The following ROBO2 variants were observed in gnomAD, a reference collection of about 807,000 sequenced individuals.
ROBO2 encodes the protein roundabout homolog 2.
ROBO2 carries 53 observed loss-of-function variants against 160.8 expected under a neutral mutation model. The ratio of observed to expected loss-of-function variants is 0.33; its 90% confidence interval spans 0.26 to 0.41. The LOEUF is 0.41. ROBO2 is among the 10% of genes least tolerant of loss of function. ROBO2 has a pLI of 1.00. For synonymous variants in ROBO2, 664 were observed against 611.7 expected, an observed-to-expected ratio of 1.09 and a Z score of -1.26; for missense variants, 1,577 against 1,722.4, an observed-to-expected ratio of 0.92 and a Z score of 1.49.
chr3:76,237,532 T>C (rs180677899), intron 2 of ROBO2, among the ~76,000 whole-genome samples: 2 of 152,276 alleles, frequency 1.3e-5, no homozygotes, highest in East Asian at 1.9e-4. Context: ...CTTTGTATCA[T>C]TGAGACTTCC....
intron 2 of ROBO2, among the ~76,000 whole-genome samples, chr3:77,311,629 G>T (rs1433701597): frequency 6.6e-6 from 1 of 152,218 alleles, no homozygotes; most frequent in East Asian, 1.9e-4. Context: ...AATGGGGATT[G>T]AACTGGGTTC....
At chr3:76,402,887 G>T (rs1412459471) in intron 2 of ROBO2, among the ~76,000 whole-genome samples, 1 of 151,622 alleles carries the variant, frequency 6.6e-6, no homozygotes, top group East Asian at 1.9e-4. Context: ...TTCATCTCAA[G>T]GTCCTCAAAT....
chr3:77,426,539 AG>A (rs1263001959), intron 2 of ROBO2, among the ~76,000 whole-genome samples: 2 of 151,970 alleles, frequency 1.3e-5, no homozygotes, highest in African/African-American at 4.8e-5. Context: ...TTGATCATAA[AG>A]GGGGAAACCC....
chr3:77,488,801 A>T (rs1012820807), intron 4 of ROBO2, among the ~76,000 whole-genome samples: 1 of 152,198 alleles, frequency 6.6e-6, no homozygotes, highest in South Asian at 2.1e-4. Flanking sequence ...CGCATTTGAA[A>T]TACATTTTTG....
chr3:76,959,816 G>A (rs2079523917), intron 2 of ROBO2, among the ~76,000 whole-genome samples: 2 of 152,012 alleles, frequency 1.3e-5, no homozygotes. Flanking sequence ...AAAGGGAGTT[G>A]TTAGCTTGTA....
chr3:77,101,812 G>A (rs776506669), intron 2 of ROBO2, among the ~76,000 whole-genome samples: 1 of 152,172 alleles, frequency 6.6e-6, no homozygotes, highest in Non-Finnish European at 1.5e-5. Context: ...GGCCCAGGTG[G>A]GTGGATCACT....
At chr3:76,105,968 ATTAAAT>A (rs1222912695) in intron 2 of ROBO2, among the ~76,000 whole-genome samples, 1 of 152,174 alleles carries the variant, frequency 6.6e-6, no homozygotes, top group Non-Finnish European at 1.5e-5. Flanking sequence ...CAGTTATTAC[ATTAAAT>A]TTATGTCTTT....
intron 2 of ROBO2, among the ~76,000 whole-genome samples, chr3:76,003,768 C>T (rs1326383049): frequency 6.6e-6 from 1 of 152,184 alleles, no homozygotes; most frequent in Admixed American, 6.5e-5. Flanking sequence ...CATCAGGGTG[C>T]TAGAACTAAT....
At chr3:77,157,936 T>G (rs7432300) in intron 2 of ROBO2, among the ~76,000 whole-genome samples, 62,986 of 151,870 alleles carry the variant, frequency 0.41, 13,613 homozygotes, top group Middle Eastern at 0.54. Context: ...GATTGTCCCT[T>G]CTTTTAGCCT....
chr3:76,927,103 T>C (rs989413698), intron 2 of ROBO2, among the ~76,000 whole-genome samples: 17 of 152,306 alleles, frequency 1.1e-4, no homozygotes, highest in African/African-American at 3.8e-4. Context: ...TCTGGGCTGT[T>C]ATTTATAATC....
At chr3:76,050,345 A>C (rs2067612671) in intron 2 of ROBO2, among the ~76,000 whole-genome samples, 1 of 152,126 alleles carries the variant, frequency 6.6e-6, no homozygotes, top group Admixed American at 6.6e-5. Context: ...GTGTTTTGCC[A>C]GGGGCTCTCA....
Position 77,341,087 on chromosome 3 carries a change from G to A in ROBO2, c.389-136327G>A, listed in dbSNP as rs544796918. 3.9e-5 allele frequency among the ~76,000 whole-genome samples: 6 copies of A among 152,150 alleles called. No individual in the cohort carries two copies. The South Asian group carries it at 1.2e-3, about 32-fold the overall frequency. Reference sequence around the variant, plus strand: ...AATTTTGGTGTTCAAAAGTATTGTTGGAACGTAGCCATGCTTATCACTTTA... The same window carrying A: ...AATTTTGGTGTTCAAAAGTATTGTTAGAACGTAGCCATGCTTATCACTTTA... On this transcript the variant is annotated intron_variant, in intron 2 of 25. Transcript: ENST00000461745.
Position 76,494,696 on chromosome 3 carries a change from C to T in ROBO2, c.109+557094C>T, listed in dbSNP as rs963824979. Among the ~76,000 whole-genome samples, 7 of 152,222 alleles carry T rather than the reference C, an allele frequency of 4.6e-5. 1 individual carries two copies. In the East Asian group the frequency reaches 9.7e-4, roughly 21 times the overall value. On this transcript the variant is annotated intron_variant, in intron 2 of 26. Coordinates refer to the ROBO2 transcript ENST00000487694. ...ACTTTAGCACAAAATAATCTTTATG[C>T]CAAACTGGCAGAAGTTGGGGTGGCG...
chr3:76,831,041 T>C (rs942488423), intron 2 of ROBO2, among the ~76,000 whole-genome samples: 4 of 152,104 alleles, frequency 2.6e-5, no homozygotes, highest in African/African-American at 9.7e-5. Context: ...CACATTACAA[T>C]TAGAATTGCT....
intron 2 of ROBO2, among the ~76,000 whole-genome samples, chr3:76,406,844 A>G (rs1051872941): frequency 3.9e-5 from 6 of 152,026 alleles, no homozygotes; most frequent in Middle Eastern, 3.4e-3. Flanking sequence ...CTTGTTTCAT[A>G]CATATAGTCA....
intron 2 of ROBO2, among the ~76,000 whole-genome samples, chr3:77,356,202 A>G (rs771121663): frequency 6.6e-6 from 1 of 152,214 alleles, no homozygotes; most frequent in African/African-American, 2.4e-5. Context: ...GCTAGATCTC[A>G]GTTAAAAGAG....
intron 2 of ROBO2, among the ~76,000 whole-genome samples, chr3:76,225,056 T>C (rs1415254930): frequency 2.6e-5 from 4 of 152,186 alleles, no homozygotes; most frequent in African/African-American, 9.7e-5. Context: ...AATATACTCA[T>C]TTATATAAAT....
At chr3:76,832,052 T>A (rs1434645036) in intron 2 of ROBO2, among the ~76,000 whole-genome samples, 2 of 152,132 alleles carry the variant, frequency 1.3e-5, no homozygotes, top group Non-Finnish European at 2.9e-5. Context: ...TAGGGTAAAA[T>A]GGATAAAATG....
At chr3:76,769,109 C>T (rs908061225) in intron 2 of ROBO2, among the ~76,000 whole-genome samples, 1 of 151,396 alleles carries the variant, frequency 6.6e-6, no homozygotes, top group African/African-American at 2.4e-5. Context: ...CGTGGCAACA[C>T]CTAGCAACCA....
Sources: allele counts gnomAD v4.1 joint callset (sites outside exome capture counted in the v4.1 genomes callset), GRCh38; gene constraint gnomAD v4.1.1; transcripts MANE v1.5; gene names NCBI Gene and HGNC (gene_info 2026-07-23, HGNC 2026-07-21).